SORBS3: variants seen among roughly 807,000 people sequenced by gnomAD.
SORBS3 encodes the protein vinexin.
In SORBS3, 69 loss-of-function variants were observed where a neutral mutation model predicts 98.0. The observed-to-expected ratio is 0.70, with a 90% CI of 0.58 to 0.86. The LOEUF (loss-of-function observed/expected upper bound fraction) is 0.86. Among genes scored for constraint, SORBS3 ranks in the 40% least tolerant of loss-of-function variants. SORBS3 has a pLI of 0.00. For missense variants in SORBS3, 954 were observed against 908.5 expected (o/e 1.05, Z -0.64); for synonymous variants, 394 against 355.4 (o/e 1.11, Z -1.22).
In SORBS3 at chr8:22,566,283, G is replaced by C. The variant is rs570554138; in HGVS notation, c.951-62G>C. On this transcript the variant is annotated intron_variant, in intron 12 of 20. Transcript: ENST00000240123. ...GGCGATGGGGGGTCAGAGCGGTCTA[G>C]GGGTGACCAGGGTGGGGTGCGGAGC... is the stretch of plus-strand genomic sequence containing the variant. 127 of 1,580,140 alleles carry C rather than the reference G, an allele frequency of 8.0e-5. No homozygotes were observed. The African/African-American group carries it at 1.4e-3, about 18-fold the overall frequency.
intron 10 of SORBS3, 185 bp downstream of exon 10, chr8:22,564,706 G>A (rs2117258495): frequency 7.1e-7 from 1 of 1,404,996 alleles, no homozygotes; most frequent in Non-Finnish European, 9.3e-7. Flanking sequence ...CAGTAAACAT[G>A]TGTTAAATAA....
At chr8:22,558,518 C>T (rs1179746317) in intron 5 of SORBS3, among the ~76,000 whole-genome samples, 1 of 152,064 alleles carries the variant, frequency 6.6e-6, no homozygotes, top group Admixed American at 6.6e-5. Context: ...CATTCCCTTA[C>T]TGGAGGCATT....
At chr8:22,570,824 A>T in intron 17 of SORBS3, 86 bp from the exon 18 acceptor site, 1 of 1,218,758 alleles carries the variant, frequency 8.2e-7, no homozygotes, top group Non-Finnish European at 1.2e-6. Context: ...CCAAGGTGTT[A>T]GGGTTGAATG....
At chr8:22,556,630 T>C (rs768632201) in intron 3 of SORBS3, 85 bp from the exon 4 acceptor site, 6 of 1,206,908 alleles carry the variant, frequency 5.0e-6, no homozygotes, top group Non-Finnish European at 4.8e-6. Context: ...CCCACAGAGA[T>C]CCATGCTCTG....
chr8:22,567,191 A>G lies in SORBS3; in HGVS notation c.1305+16A>G. 1.3e-6 allele frequency: 2 copies of G among 1,574,362 alleles called. No homozygotes were observed. Among genetic ancestry groups the G allele is most frequent in the South Asian group, 1.1e-5 (1 of 89,990 alleles). On this transcript the variant is annotated intron_variant, in intron 16 of 20. Transcript: ENST00000240123. ...TTATGTGGAGGTGAGCAGGAGAGAC[A>G]AGAGCAAGTGGGGCTGGGCTGGGAG...
chr8:22,561,530 TC>T, intron 6 of SORBS3, 157 bp downstream of exon 6: 1 of 759,490 alleles, frequency 1.3e-6, no homozygotes, highest in Non-Finnish European at 2.2e-6. Context: ...GCACTTCAAA[TC>T]CCCCGGTAGG....
upstream of SORBS3, among the ~76,000 whole-genome samples, chr8:22,551,025 C>T (rs561011663): frequency 5.9e-5 from 9 of 152,342 alleles, no homozygotes; most frequent in Non-Finnish European, 1.2e-4. The surrounding 1 kb of genome is among the most constrained non-coding windows in gnomAD (Gnocchi z 5.8). Flanking sequence ...AGGGCCGGGG[C>T]TCTGGGGACC....
At position 22,554,602 on chromosome 8, in the gene SORBS3, G is replaced by A. The variant is rs748745989; in HGVS notation, c.96G>A (p.Gly32=). The A allele has an allele frequency of 1.2e-6, 2 of 1,611,878 alleles. No individual in the cohort carries two copies. Among genetic ancestry groups the A allele is most frequent in the Non-Finnish European group, 8.5e-7 (1 of 1,179,774 alleles). The change falls in exon 2 of 21, where the codon GGG becomes GGA. Residue 32 remains glycine, a synonymous_variant. Transcript: ENST00000240123. This position sits in a 1 kb window ranked among gnomAD's most constrained non-coding sequence, Gnocchi z 6.5. ...CCCACATAGGGTCTTCCTCCCGGGG[G>A]ACACGGGTGAGTGAGTCAGTAGGGA... The part of the protein sequence containing the change: ...LQSHIGSSSR[G]TRVPVIRNGG...
chr8:22,569,319 T>G (rs769769920), intron 17 of SORBS3, 46 bp downstream of exon 17: 14 of 1,498,802 alleles, frequency 9.3e-6, no homozygotes, highest in East Asian at 2.5e-5. Flanking sequence ...CAGGTGAAGA[T>G]GTAGGTAAAT....
chr8:22,566,176 C>A, intron 12 of SORBS3, 169 bp from the exon 13 acceptor site: 1 of 933,186 alleles, frequency 1.1e-6, no homozygotes, highest in Non-Finnish European at 1.5e-6. Flanking sequence ...CACCCTTCCC[C>A]GCGCAGCGAC....
chr8:22,569,216 G>A lies in SORBS3; in HGVS notation c.1374G>A (p.Glu458=). ...PPTYQVLEYG[E]AVAQYTFKGD... ...CCTACCAGGTGCTGGAGTATGGAGAGGCTGTGGCCCAGTACACCTTCAAGG... is the reference window on the plus strand; with the variant it reads ...CCTACCAGGTGCTGGAGTATGGAGAAGCTGTGGCCCAGTACACCTTCAAGG... Residue 458 remains glutamate (E), a synonymous_variant, in exon 17 of 21, where the codon GAG becomes GAA. Coordinates refer to ENST00000240123, the MANE Select transcript of SORBS3 (RefSeq NM_005775.5). The A allele has an allele frequency of 1.2e-6, 2 of 1,610,996 alleles. No homozygotes were observed. Among genetic ancestry groups the A allele is most frequent in the Non-Finnish European group, 8.5e-7 (1 of 1,178,520 alleles).
chr8:22,554,339 G>A lies in SORBS3; in HGVS notation c.-55-113G>A, dbSNP rs1840143048. ...TGGGTCCTTGAGCTAGTACCCAGCT[G>A]GTCCTGACCCCCTCCCACAGCCGGC... On this transcript the variant is annotated intron_variant, in intron 1 of 20. Coordinates refer to ENST00000240123, the MANE Select transcript of SORBS3 (RefSeq NM_005775.5). The surrounding 1 kb of genome is among the most constrained non-coding windows in gnomAD (Gnocchi z 6.5). 2 of 1,126,234 alleles carry A rather than the reference G, an allele frequency of 1.8e-6. No individual in the cohort carries two copies. Among genetic ancestry groups the A allele is most frequent in the East Asian group, 2.7e-5 (1 of 37,286 alleles). 69.8% of individuals were successfully genotyped at this position (1,126,234 alleles called of 1,614,324 possible). A position where few individuals can be genotyped will look rare whatever the true frequency, so the allele number is the denominator to read the frequency against.
At chr8:22,550,561 G>A (rs1201689341), upstream of SORBS3, among the ~76,000 whole-genome samples, 4 of 152,202 alleles carry the variant, frequency 2.6e-5, no homozygotes, top group African/African-American at 9.7e-5. Flanking sequence ...CACATGTGAT[G>A]TTTCAAGGCA....
At chr8:22,557,685 C>T (rs546535098) in intron 4 of SORBS3, among the ~76,000 whole-genome samples, 8 of 151,974 alleles carry the variant, frequency 5.3e-5, no homozygotes, top group South Asian at 4.2e-4. Flanking sequence ...AGGTGGTGCA[C>T]GACTGTAGTT....
At chr8:22,560,860 TGTGTGTGTGTGTGC>T (rs1413599303) in intron 5 of SORBS3, 110 of 136,992 alleles carry the variant, frequency 8.0e-4, no homozygotes, top group East Asian at 3.0e-3. Flanking sequence ...TGTGTGTGTG[TGTGTGTGTGTGTGC>T]GCGCGCGCAC....
Position 22,554,932 on chromosome 8 carries a change from G to C in SORBS3, c.172G>C (p.Val58Leu). 1.2e-6 allele frequency: 2 copies of C among 1,613,748 alleles called. No individual in the cohort carries two copies. The highest frequency in any genetic ancestry group is 1.7e-6 in the Non-Finnish European group (2 of 1,179,992). ...GTTCCACGACCCCGCGCCCAGGACTGTGTGCAATGGGGGCTACACACCAAG... is the reference window on the plus strand; with the variant it reads ...GTTCCACGACCCCGCGCCCAGGACTCTGTGCAATGGGGGCTACACACCAAG... ...FQFHDPAPRTVCNGGYTPRRD... is the reference protein window; with the variant it reads ...FQFHDPAPRTLCNGGYTPRRD... Residue 58 changes from valine (V) to leucine (L), a missense_variant, in exon 3 of 21, where the codon GTG (valine) becomes CTG (leucine). Transcript: ENST00000240123. This position sits in a 1 kb window ranked among gnomAD's most constrained non-coding sequence, Gnocchi z 6.5.
intron 17 of SORBS3, among the ~76,000 whole-genome samples, chr8:22,570,667 G>T (rs1462144688): frequency 6.6e-6 from 1 of 152,156 alleles, no homozygotes; most frequent in Admixed American, 6.5e-5. Flanking sequence ...GCCGAAGGGG[G>T]ATGCACACCC....
At chr8:22,570,786 C>T (rs1420873797) in intron 17 of SORBS3, 124 bp from the exon 18 acceptor site, 5 of 807,300 alleles carry the variant, frequency 6.2e-6, no homozygotes, top group Non-Finnish European at 9.4e-6. Context: ...AAACTGCTGG[C>T]CCCCTGCGAT....
At chr8:22,552,744 G>C (rs1038075057) in intron 1 of SORBS3, among the ~76,000 whole-genome samples, 1 of 152,350 alleles carries the variant, frequency 6.6e-6, no homozygotes, top group Admixed American at 6.5e-5. Context: ...GCAGTCAGCT[G>C]GGCAGGGAGG....
Sources: allele counts gnomAD v4.1 joint callset (sites outside exome capture counted in the v4.1 genomes callset), GRCh38; gene constraint gnomAD v4.1.1; non-coding constraint Gnocchi (gnomAD v3.1); transcripts MANE v1.5; gene names NCBI Gene and HGNC (gene_info 2026-07-23, HGNC 2026-07-21).